SCML4: variants seen among roughly 807,000 people sequenced by gnomAD.
SCML4 encodes the protein sex comb on midleg-like protein 4.
Under a neutral mutation model 41.1 loss-of-function variants are expected in SCML4, and 34 were observed. The observed-to-expected ratio is 0.83, with a 90% CI of 0.63 to 1.10. The LOEUF is 1.10. Ranked by LOEUF, SCML4 falls within the 50% of genes least tolerant of loss-of-function variation. The probability of loss-of-function intolerance (pLI) is 0.00; values close to 1 mark genes in which losing one functional copy is unlikely to be tolerated. For missense variants in SCML4, 522 were observed against 534.1 expected (o/e 0.98, Z 0.22); for synonymous variants, 214 against 220.9 (o/e 0.97, Z 0.28).
intron 5 of SCML4, among the ~76,000 whole-genome samples, chr6:107,722,114 C>T (rs1000436303): frequency 4.0e-5 from 6 of 151,812 alleles, no homozygotes; most frequent in East Asian, 1.9e-4. Flanking sequence ...CTCAGACTCC[C>T]GAGTAGCTGG....
rs973694586 is a variant in SCML4, at chr6:107,766,326, C to T, written c.156+5846G>A. 4.7e-5 allele frequency among the ~76,000 whole-genome samples: 7 copies of T among 150,266 alleles called. No homozygotes were observed. In the South Asian group the frequency reaches 1.0e-3, roughly 23 times the overall value. On this transcript the variant is annotated intron_variant, in intron 2 of 7. Coordinates refer to ENST00000369020, the MANE Select transcript of SCML4 (RefSeq NM_198081.5). ...CGGAGGTTGCAGTGAGCCGAAATTG[C>T]GCCACTACAGTCCAGCCTGGGCAAT...
At chr6:107,724,053 C>T (rs1775707425) in intron 5 of SCML4, among the ~76,000 whole-genome samples, 1 of 152,052 alleles carries the variant, frequency 6.6e-6, no homozygotes, top group Non-Finnish European at 1.5e-5. Context: ...AATAATAAAA[C>T]AGAGATCACA....
intron 1 of SCML4, among the ~76,000 whole-genome samples, chr6:107,811,553 C>T (rs375119718): frequency 6.6e-6 from 1 of 152,258 alleles, no homozygotes; most frequent in East Asian, 1.9e-4. Flanking sequence ...TTTGTGTAAG[C>T]TGAGGGCTGC....
At position 107,790,087 on chromosome 6, in the gene SCML4, G is replaced by A. The variant is rs555402529; in HGVS notation, c.-59-17701C>T. Among the ~76,000 whole-genome samples the A allele has an allele frequency of 3.9e-5, 6 of 152,268 alleles. No homozygotes were observed. The South Asian group carries it at 1.2e-3, about 32-fold the overall frequency. ...CTTTCAGCACTGGCACCTGGTCAAC[G>A]AGAGGTTAGCTGCTGAGAGATCCAA... On this transcript the variant is annotated intron_variant, in intron 1 of 7. Transcript: ENST00000369020.
At chr6:107,711,801 C>A (rs1404719742) in intron 6 of SCML4, among the ~76,000 whole-genome samples, 2 of 152,164 alleles carry the variant, frequency 1.3e-5, no homozygotes, top group Non-Finnish European at 2.9e-5. Context: ...CACTTTATTT[C>A]CCTTCTTTAG....
At chr6:107,742,880 C>G (rs6568492) in intron 5 of SCML4, among the ~76,000 whole-genome samples, 40,112 of 152,034 alleles carry the variant, frequency 0.26, 6,306 homozygotes, top group African/African-American at 0.44. Flanking sequence ...GACAAACCCA[C>G]AACACTCTAA....
chr6:107,802,596 A>G (rs1339449107), intron 1 of SCML4, among the ~76,000 whole-genome samples: 2 of 129,084 alleles, frequency 1.5e-5, no homozygotes, highest in East Asian at 2.4e-4. Context: ...GGAAGGAAGG[A>G]AGGAAGGAAG....
intron 5 of SCML4, among the ~76,000 whole-genome samples, chr6:107,722,358 G>GT (rs1775516803): frequency 6.6e-6 from 1 of 151,784 alleles, no homozygotes; most frequent in African/African-American, 2.4e-5. Flanking sequence ...TTTATGTGGA[G>GT]TTTTTCTTTT....
At chr6:107,783,710 G>C (rs1418223687) in intron 1 of SCML4, among the ~76,000 whole-genome samples, 1 of 151,232 alleles carries the variant, frequency 6.6e-6, no homozygotes, top group African/African-American at 2.4e-5. Flanking sequence ...GCAGGTGCTG[G>C]TCTGAGTTTG....
At chr6:107,779,037 G>A (rs1781267551) in intron 1 of SCML4, among the ~76,000 whole-genome samples, 1 of 152,124 alleles carries the variant, frequency 6.6e-6, no homozygotes, top group Admixed American at 6.5e-5. Flanking sequence ...AACATTAGCC[G>A]GGCGTGGTGG....
chr6:107,737,116 G>A lies in SCML4; in HGVS notation c.682+7833C>T, dbSNP rs78766640. Reference sequence around the variant, plus strand: ...ATTCAAGTCAGTAGGTATTTACTGCGTGTTTGCTGTGTTTCAGGCTCTGCT... The same window carrying A: ...ATTCAAGTCAGTAGGTATTTACTGCATGTTTGCTGTGTTTCAGGCTCTGCT... On this transcript the variant is annotated intron_variant, in intron 5 of 7. Coordinates refer to ENST00000369020, the MANE Select transcript of SCML4 (RefSeq NM_198081.5). Among the ~76,000 whole-genome samples, 621 of 152,312 alleles carry A rather than the reference G, an allele frequency of 4.1e-3. 8 individuals are homozygous for A. The highest frequency in any genetic ancestry group is 0.014 in the African/African-American group (590 of 41,562).
chr6:107,797,398 G>T (rs1018081551), intron 1 of SCML4, among the ~76,000 whole-genome samples: 7 of 152,012 alleles, frequency 4.6e-5, no homozygotes, highest in African/African-American at 1.7e-4. Context: ...ATGTTATTGT[G>T]AGTAGTACTT....
chr6:107,778,207 AAAAAAAAAAAAAAAAATATATATATAT>A (rs1781126175), intron 1 of SCML4, among the ~76,000 whole-genome samples: 1 of 11,134 alleles, frequency 9.0e-5, no homozygotes, highest in Non-Finnish European at 3.4e-4. Flanking sequence ...AAAAAAAAAA[AAAAAAAAAAAAAAAAATATATATATAT>A]ATATATATAT....
chr6:107,769,669 G>GAT (rs1381378735), intron 2 of SCML4, among the ~76,000 whole-genome samples: 1 of 152,010 alleles, frequency 6.6e-6, no homozygotes, highest in East Asian at 1.9e-4. Flanking sequence ...TGTTATTATT[G>GAT]ATATAATAAA....
intron 1 of SCML4, among the ~76,000 whole-genome samples, chr6:107,815,362 C>T (rs946042051): frequency 1.4e-4 from 21 of 152,214 alleles, no homozygotes; most frequent in South Asian, 6.2e-4. Flanking sequence ...TAGAAATACC[C>T]GGCTTTTCTG....
chr6:107,715,266 C>T (rs1774659320), intron 6 of SCML4, among the ~76,000 whole-genome samples: 1 of 138,174 alleles, frequency 7.2e-6, no homozygotes, highest in African/African-American at 2.8e-5. Flanking sequence ...TGAGCCACTG[C>T]GTCTGGCCCC....
Position 107,746,726 on chromosome 6 carries a change from G to T in SCML4, c.450C>A (p.Ser150=), listed in dbSNP as rs1330288386. 3 of 1,614,030 alleles carry T rather than the reference G, an allele frequency of 1.9e-6. No individual in the cohort carries two copies. In the African/African-American group the frequency reaches 4.0e-5, roughly 22 times the overall value. ...DCAHQQKLVF[S]LVKQGYGGEM... ...CACCACCATAGCCCTGCTTGACCAG[G>T]GAGAAGACCAGCTTCTGCTGGTGGG... The change falls in exon 4 of 8, where the codon TCC becomes TCA. Residue 150 remains serine (S), a synonymous_variant. Coordinates refer to ENST00000369020, the MANE Select transcript of SCML4 (RefSeq NM_198081.5).
chr6:107,762,876 C>CTTTTTTTTTTTTTTTTTT (rs57370632), intron 2 of SCML4, among the ~76,000 whole-genome samples: 6 of 89,656 alleles, frequency 6.7e-5, no homozygotes, highest in Non-Finnish European at 9.7e-5. Context: ...TAAATGCACT[C>CTTTTTTTTTTTTTTTTTT]TTTTTTTTTT....
chr6:107,736,681 A>T (rs1174415738), intron 5 of SCML4, among the ~76,000 whole-genome samples: 1 of 152,184 alleles, frequency 6.6e-6, no homozygotes, highest in Non-Finnish European at 1.5e-5. Flanking sequence ...AAAGATAGAC[A>T]TTCTCCATAT....
Sources: allele counts gnomAD v4.1 joint callset (sites outside exome capture counted in the v4.1 genomes callset), GRCh38; gene constraint gnomAD v4.1.1; transcripts MANE v1.5; gene names NCBI Gene and HGNC (gene_info 2026-07-23, HGNC 2026-07-21).